The following TNFRSF6B variants were observed in gnomAD, a reference collection of about 807,000 sequenced individuals.
TNFRSF6B encodes the protein tumor necrosis factor receptor superfamily member 6B.
Under a neutral mutation model 17.9 loss-of-function variants are expected in TNFRSF6B, and 23 were observed. The observed-to-expected ratio is 1.28, with a 90% CI of 0.92 to 1.82. The LOEUF (loss-of-function observed/expected upper bound fraction) is 1.82, where lower values mean the gene tolerates loss of function less well. Ranked by LOEUF, TNFRSF6B falls within the 40% of genes most tolerant of loss-of-function variation. The pLI is 0.00. For missense variants in TNFRSF6B, 555 were observed against 437.2 expected, an observed-to-expected ratio of 1.27 and a Z score of -2.40; for synonymous variants, 291 against 195.8, an observed-to-expected ratio of 1.49 and a Z score of -4.06.
In TNFRSF6B at chr20:63,696,690, A is replaced by G; in HGVS notation, c.-78A>G. 3 of 1,419,110 alleles carry G rather than the reference A, an allele frequency of 2.1e-6. No homozygotes were observed. The highest frequency in any genetic ancestry group is 1.5e-5 in the South Asian group (1 of 68,346). 87.9% of individuals were successfully genotyped at this position (1,419,110 alleles called of 1,614,324 possible). On this transcript the variant is annotated 5_prime_UTR_variant, in exon 1 of 3. Coordinates refer to ENST00000369996, the MANE Select transcript of TNFRSF6B (RefSeq NM_003823.4). ...CCCTCCGCAGGCGGACCGGGGGCAA[A>G]GGAGGTGGCATGTCGGTCAGGCACA...
In TNFRSF6B at chr20:63,698,308, C is replaced by G; in HGVS notation, c.648C>G (p.Ile216Met). The change falls in exon 3 of 3, where the codon ATC (isoleucine) becomes ATG (methionine). Residue 216 changes from isoleucine to methionine, a missense_variant. By Grantham distance (10) the Ile-to-Met change is conservative. Transcript: ENST00000369996. The stretch of plus-strand genomic sequence containing the variant: ...CTGAGGAGTGTGAGCGTGCCGTCAT[C>G]GACTTTGTGGCTTTCCAGGACATCT... ...PGAEECERAV[I>M]DFVAFQDISI... The G allele has an allele frequency of 6.2e-7, 1 of 1,611,068 alleles. No individual in the cohort carries two copies. The highest frequency in any genetic ancestry group is 8.5e-7 in the Non-Finnish European group (1 of 1,179,274).
At chr20:63,697,299 C>T in intron 1 of TNFRSF6B, 29 bp from the exon 2 acceptor site, 1 of 1,598,896 alleles carries the variant, frequency 6.3e-7, no homozygotes, top group Non-Finnish European at 8.5e-7. Context: ...ACCAGTTCCC[C>T]TGACCCTGTT....
chr20:63,696,685 G>T lies in TNFRSF6B; in HGVS notation c.-83G>T, dbSNP rs1198212589. 37 of 1,411,258 alleles carry T rather than the reference G, an allele frequency of 2.6e-5. No individual in the cohort carries two copies. The South Asian group carries it at 5.1e-4, about 20-fold the overall frequency. The allele number at this position is 1,411,258 out of a possible 1,614,324, so 87.4% of individuals were successfully genotyped here. On this transcript the variant is annotated 5_prime_UTR_variant, in exon 1 of 3. Coordinates refer to ENST00000369996, the MANE Select transcript of TNFRSF6B (RefSeq NM_003823.4). ...GCGGCCCCTCCGCAGGCGGACCGGG[G>T]GCAAAGGAGGTGGCATGTCGGTCAG...
Position 63,696,893 on chromosome 20 carries a change from G to A in TNFRSF6B, c.126G>A (p.Glu42=). The change falls in exon 1 of 3, where the codon GAG becomes GAA. Residue 42 remains glutamate, a synonymous_variant. Coordinates refer to ENST00000369996, the MANE Select transcript of TNFRSF6B (RefSeq NM_003823.4). ...ETPTYPWRDA[E]TGERLVCAQC... ...CCACCTACCCCTGGCGGGACGCAGA[G>A]ACAGGGGAGCGGCTGGTGTGCGCCC... 6.2e-7 allele frequency: 1 copy of A among 1,611,808 alleles called. No individual in the cohort carries two copies. The highest frequency in any genetic ancestry group is 8.5e-7 in the Non-Finnish European group (1 of 1,179,464).
Position 63,698,456 on chromosome 20 carries a change from G to C in TNFRSF6B, c.796G>C (p.Gly266Arg), listed in dbSNP as rs749655628. 81 of 1,565,054 alleles carry C rather than the reference G, an allele frequency of 5.2e-5. No homozygotes were observed. Among genetic ancestry groups the C allele is most frequent in the Non-Finnish European group, 6.5e-5 (76 of 1,160,764 alleles). The change falls in exon 3 of 3, where the codon GGG becomes CGG. Residue 266 changes from glycine (G) to arginine (R), a missense_variant. Transcript: ENST00000369996. ...KLRRRLTELL[G>R]AQDGALLVRL... ...GCGTCGGCGGCTCACGGAGCTCCTG[G>C]GGGCGCAGGACGGGGCGCTGCTGGT... is the stretch of plus-strand genomic sequence containing the variant.
Position 63,697,418 on chromosome 20 carries a change from GCA to G in TNFRSF6B, c.516_517del (p.Asn173LeufsTer17). 2 of 1,609,644 alleles carry G rather than the reference GCA, an allele frequency of 1.2e-6. No homozygotes were observed. Among genetic ancestry groups the G allele is most frequent in the Non-Finnish European group, 1.7e-6 (2 of 1,178,708 alleles). On this transcript the variant is annotated frameshift_variant, in exon 2 of 3. Transcript: ENST00000369996. LOFTEE classifies it high-confidence loss of function. ...AGCTCAGAGCAGTGCCAGCCCCACC[GCA>G]ACTGCACGGCCCTGGGCCTGGCCCT...
chr20:63,697,301 G>T, intron 1 of TNFRSF6B, 27 bp from the exon 2 acceptor site: 1 of 1,600,876 alleles, frequency 6.2e-7, no homozygotes, highest in South Asian at 1.1e-5. Flanking sequence ...CAGTTCCCCT[G>T]ACCCTGTTCT....
Position 63,698,551 on chromosome 20 carries a change from C to G in TNFRSF6B, c.891C>G (p.Leu297=). 2.6e-6 allele frequency: 4 copies of G among 1,516,118 alleles called. No individual in the cohort carries two copies. The highest frequency in any genetic ancestry group is 3.5e-6 in the Non-Finnish European group (4 of 1,141,246). The allele number at this position is 1,516,118 out of a possible 1,614,324, so 93.9% of individuals were successfully genotyped here. ...GLERSVRERF[L]PVH is the part of the protein sequence containing the mutation. ...AGCGGAGCGTCCGTGAGCGCTTCCT[C>G]CCTGTGCACTGATCCTGGCCCCCTC... is the stretch of plus-strand genomic sequence containing the variant. Residue 297 remains leucine (L), a synonymous_variant, in exon 3 of 3, where the codon CTC becomes CTG. Coordinates refer to ENST00000369996, the MANE Select transcript of TNFRSF6B (RefSeq NM_003823.4).
chr20:63,697,251 C>T (rs2091002265), intron 1 of TNFRSF6B, 60 bp downstream of exon 1: 1 of 1,547,938 alleles, frequency 6.5e-7, no homozygotes, highest in South Asian at 1.2e-5. Flanking sequence ...TGGCAGGGGT[C>T]AGGTTGCTGG....
chr20:63,697,959 C>T (rs562929287), intron 2 of TNFRSF6B, among the ~76,000 whole-genome samples: 6 of 152,282 alleles, frequency 3.9e-5, no homozygotes, highest in South Asian at 2.1e-4. Context: ...AAGTCAGGTC[C>T]GGTCCATCTG....
At position 63,696,881 on chromosome 20, in the gene TNFRSF6B, G is replaced by A. The variant is rs753463820; in HGVS notation, c.114G>A (p.Trp38Ter). 6.2e-7 allele frequency: 1 copy of A among 1,611,830 alleles called. No homozygotes were observed. Residue 38 changes from tryptophan (W) to a stop codon, truncating the protein, a stop_gained, in exon 1 of 3, where the codon TGG becomes TGA. Transcript: ENST00000369996. LOFTEE classifies it high-confidence loss of function. The stretch of plus-strand genomic sequence containing the variant: ...TGGCAGAAACACCCACCTACCCCTG[G>A]CGGGACGCAGAGACAGGGGAGCGGC... ...RGVAETPTYP[W>*]RDAETGERLV...
Position 63,698,395 on chromosome 20 carries a change from A to G in TNFRSF6B, c.735A>G (p.Thr245=). ...ALEAPEGWGP[T]PRAGRAALQL... is the part of the protein sequence containing the mutation. ...AGGCCCCGGAGGGCTGGGGTCCGAC[A>G]CCAAGGGCGGGCCGCGCGGCCTTGC... Residue 245 remains threonine (T), a synonymous_variant, in exon 3 of 3, where the codon ACA becomes ACG. Transcript: ENST00000369996. 1 of 1,602,034 alleles carries G rather than the reference A, an allele frequency of 6.2e-7. No individual in the cohort carries two copies. Among genetic ancestry groups the G allele is most frequent in the Non-Finnish European group, 8.5e-7 (1 of 1,175,946 alleles).
Position 63,698,576 on chromosome 20 carries a change from C to CTT in TNFRSF6B, c.*14_*15dup, listed in dbSNP as rs2145495482. The CTT allele has an allele frequency of 6.8e-7, 1 of 1,475,124 alleles. No individual in the cohort carries two copies. Among genetic ancestry groups the CTT allele is most frequent in the East Asian group, 2.6e-5 (1 of 37,862 alleles). The allele number at this position is 1,475,124 out of a possible 1,614,324, so 91.4% of individuals were successfully genotyped here. A position where few individuals can be genotyped will look rare whatever the true frequency, so the allele number is the denominator to read the frequency against. ...CCCTGTGCACTGATCCTGGCCCCCT[C>CTT]TTATTTATTCTACATCCTTGGCACC... is the stretch of plus-strand genomic sequence containing the variant. On this transcript the variant is annotated 3_prime_UTR_variant, in exon 3 of 3. Transcript: ENST00000369996.
At chr20:63,697,627 T>G (rs948237903) in intron 2 of TNFRSF6B, 105 bp downstream of exon 2, 5 of 1,268,686 alleles carry the variant, frequency 3.9e-6, no homozygotes, top group Non-Finnish European at 5.3e-6. Flanking sequence ...CAGCTGGCTC[T>G]GGGAAGGGGC....
chr20:63,697,834 G>C (rs1009070845), intron 2 of TNFRSF6B, among the ~76,000 whole-genome samples: 7 of 152,096 alleles, frequency 4.6e-5, no homozygotes, highest in African/African-American at 1.7e-4. Context: ...AGGCCTGATG[G>C]TAACTCTCCT....
In TNFRSF6B at chr20:63,697,523, G is replaced by A. The variant is rs1023851634; in HGVS notation, c.619+1G>A. On this transcript the variant is annotated splice_donor_variant, in intron 2 of 2. Transcript: ENST00000369996. LOFTEE classifies it high-confidence loss of function. ...TTCCCCCTCAGCACCAGGGTACCAG[G>A]TGAGCCAGAGGCCTGAGGGGGCAGC... 1 of 1,541,744 alleles carries A rather than the reference G, an allele frequency of 6.5e-7. No homozygotes were observed. Among genetic ancestry groups the A allele is most frequent in the African/African-American group, 1.4e-5 (1 of 73,112 alleles).
At chr20:63,697,233 C>G in intron 1 of TNFRSF6B, 42 bp downstream of exon 1, 2 of 1,551,612 alleles carry the variant, frequency 1.3e-6, no homozygotes, top group South Asian at 1.2e-5. Context: ...GAGTGGTGGC[C>G]GGAGGTGTGG....
chr20:63,698,635 G>C lies in TNFRSF6B; in HGVS notation c.*72G>C, dbSNP rs559318861. 7 of 1,378,146 alleles carry C rather than the reference G, an allele frequency of 5.1e-6. No homozygotes were observed. In the East Asian group the frequency reaches 1.4e-4, roughly 28 times the overall value. 85.4% of individuals were successfully genotyped at this position (1,378,146 alleles called of 1,614,324 possible). The stretch of plus-strand genomic sequence containing the variant: ...ACTGAAAGAGGCTTTTTTTTAAATA[G>C]AAGAAATGAGGTTTCTTAAAGCTTA... On this transcript the variant is annotated 3_prime_UTR_variant, in exon 3 of 3. Coordinates refer to ENST00000369996, the MANE Select transcript of TNFRSF6B (RefSeq NM_003823.4).
intron 2 of TNFRSF6B, among the ~76,000 whole-genome samples, chr20:63,697,830 G>C (rs2091016260): frequency 6.6e-6 from 1 of 152,278 alleles, no homozygotes; most frequent in South Asian, 2.1e-4. Flanking sequence ...ACCGAGGCCT[G>C]ATGGTAACTC....
Sources: allele counts gnomAD v4.1 joint callset (sites outside exome capture counted in the v4.1 genomes callset), GRCh38; gene constraint gnomAD v4.1.1; transcripts MANE v1.5; gene names NCBI Gene and HGNC (gene_info 2026-07-23, HGNC 2026-07-21).